FADS2: variants seen among roughly 807,000 people sequenced by gnomAD.
The protein encoded by FADS2 is fatty acid desaturase 2.
In FADS2, 18 loss-of-function variants were observed where a neutral mutation model predicts 61.2. The ratio of observed to expected loss-of-function variants is 0.29; its 90% CI spans 0.20 to 0.44. The LOEUF is 0.44. Among genes scored for constraint, FADS2 ranks in the 20% least tolerant of loss-of-function variants. The probability of loss-of-function intolerance (pLI) is 1.00; values close to 1 mark genes in which losing one functional copy is unlikely to be tolerated. For synonymous variants in FADS2, 203 were observed against 223.9 expected, an observed-to-expected ratio of 0.91 and a Z score of 0.83; for missense variants, 322 against 572.7, an observed-to-expected ratio of 0.56 and a Z score of 4.47.
chr11:61,821,268 C>T (rs2067034431), intron 1 of FADS2: 2 of 615,222 alleles, frequency 3.3e-6, no homozygotes, highest in East Asian at 5.5e-5. Flanking sequence ...GCCTATAATC[C>T]CAGTGCTTTG....
intron 4 of FADS2, among the ~76,000 whole-genome samples, chr11:61,845,919 C>A (rs894004736): frequency 1.3e-5 from 2 of 152,094 alleles, no homozygotes; most frequent in African/African-American, 4.8e-5. Flanking sequence ...TGTTGTCAGC[C>A]CGTCTTGCTT....
intron 5 of FADS2, chr11:61,848,751 G>A (rs1047666670): frequency 5.4e-5 from 9 of 167,548 alleles, no homozygotes; most frequent in Non-Finnish European, 1.0e-4. Flanking sequence ...GTCGCCAACC[G>A]ACTAGCTCAT....
intron 5 of FADS2, among the ~76,000 whole-genome samples, chr11:61,851,231 G>T (rs1467984536): frequency 2.0e-5 from 3 of 152,192 alleles, no homozygotes; most frequent in Non-Finnish European, 2.9e-5. Flanking sequence ...TGTCCTGACA[G>T]ATGTTCTCTG....
In FADS2 at chr11:61,865,079, A is replaced by C; in HGVS notation, c.1158-73A>C. The C allele has an allele frequency of 6.5e-7, 1 of 1,546,550 alleles. No individual in the cohort carries two copies. On this transcript the variant is annotated intron_variant, in intron 10 of 11. Coordinates refer to ENST00000278840, the MANE Select transcript of FADS2 (RefSeq NM_004265.4). This position sits in a 1 kb window ranked among gnomAD's most constrained non-coding sequence, Gnocchi z 4.1. ...TGAGGGCCCCAGCCAGCCTCTGCCC[A>C]GGTGGTGGGAGGAAGCGGGAGCAGC... is the stretch of plus-strand genomic sequence containing the variant.
At chr11:61,846,131 C>CT (rs550169322) in intron 4 of FADS2, among the ~76,000 whole-genome samples, 1,530 of 130,428 alleles carry the variant, frequency 0.012, 9 homozygotes, top group Middle Eastern at 0.037. Context: ...TCTTTCTTTT[C>CT]TTTTTTTTTT....
intron 5 of FADS2, among the ~76,000 whole-genome samples, chr11:61,850,502 C>G (rs1204724841): frequency 1.3e-5 from 2 of 152,066 alleles, no homozygotes; most frequent in Non-Finnish European, 2.9e-5. Context: ...GCCCACCTCG[C>G]CCTCCCAAAG....
chr11:61,829,565 C>A (rs753121705), intron 1 of FADS2, among the ~76,000 whole-genome samples: 29 of 152,196 alleles, frequency 1.9e-4, no homozygotes, highest in Non-Finnish European at 1.6e-4. Context: ...TTTAAGGATG[C>A]AGCTGGTATC....
At chr11:61,863,875 C>G in intron 10 of FADS2, 89 bp downstream of exon 10, 1 of 1,052,396 alleles carries the variant, frequency 9.5e-7, no homozygotes, top group Non-Finnish European at 1.5e-6. Flanking sequence ...AATGTGGGGG[C>G]CACCTCTTTG....
Position 61,865,995 on chromosome 11 carries a change from C to G in FADS2, c.*306C>G. The G allele has an allele frequency of 2.1e-6, 1 of 472,972 alleles. No individual in the cohort carries two copies. The highest frequency in any genetic ancestry group is 5.0e-5 in the South Asian group (1 of 20,064). 29.3% of individuals were successfully genotyped at this position (472,972 alleles called of 1,614,324 possible). On this transcript the variant is annotated 3_prime_UTR_variant, in exon 12 of 12. Transcript: ENST00000278840. The surrounding 1 kb of genome is among the most constrained non-coding windows in gnomAD (Gnocchi z 4.1). The stretch of plus-strand genomic sequence containing the variant: ...CGGGGGTGGCTCTGTCCTACCTCCA[C>G]TCTCTGCCCCTAAAGATGGGAGGAG...
chr11:61,850,709 A>G (rs2067299327), intron 5 of FADS2, among the ~76,000 whole-genome samples: 1 of 152,178 alleles, frequency 6.6e-6, no homozygotes, highest in African/African-American at 2.4e-5. Flanking sequence ...TAATGATTAA[A>G]ATGAAAGTTT....
intron 1 of FADS2, chr11:61,817,192 GCAGGAAGGGTGGGCGGGGCC>G: frequency 5.1e-6 from 1 of 197,980 alleles, no homozygotes. Flanking sequence ...CGGGGTGGCC[GCAGGAAGGGTGGGCGGGGCC>G]GGGGTTGAGG....
chr11:61,858,720 G>T (rs529660068), intron 7 of FADS2, among the ~76,000 whole-genome samples: 29 of 151,706 alleles, frequency 1.9e-4, no homozygotes, highest in African/African-American at 6.3e-4. Flanking sequence ...TGAGTAGCTG[G>T]GAGTACAGGC....
upstream of FADS2, among the ~76,000 whole-genome samples, chr11:61,823,346 T>TACA (rs1348614791): frequency 4.1e-4 from 62 of 152,248 alleles, no homozygotes; most frequent in Non-Finnish European, 1.0e-4. Context: ...GTCCACCTAC[T>TACA]GCTGTGTAAT....
chr11:61,852,945 G>A (rs1160250984), intron 5 of FADS2, among the ~76,000 whole-genome samples: 1 of 152,132 alleles, frequency 6.6e-6, no homozygotes, highest in Admixed American at 6.5e-5. Context: ...ACGAGGTCAG[G>A]AGATCGAGAC....
At chr11:61,824,586 C>T (rs1050312367), upstream of FADS2, among the ~76,000 whole-genome samples, 4 of 152,016 alleles carry the variant, frequency 2.6e-5, no homozygotes, top group Non-Finnish European at 5.9e-5. Context: ...AGAGGTCTAA[C>T]ATCACATGGT....
At chr11:61,824,394 AAGAGAGAGAGAG>A (rs1193068439), upstream of FADS2, among the ~76,000 whole-genome samples, 20 of 17,386 alleles carry the variant, frequency 1.2e-3, no homozygotes, top group African/African-American at 1.9e-3. Flanking sequence ...GGGAAAAAAA[AAGAGAGAGAGAG>A]AGAGAGAGAG....
At position 61,816,756 on chromosome 11, in the gene FADS2, C is replaced by T. The variant is rs1231650564; in HGVS notation, c.141+330C>T. 1.3e-6 allele frequency: 2 copies of T among 1,541,988 alleles called. No homozygotes were observed. Among genetic ancestry groups the T allele is most frequent in the African/African-American group, 1.4e-5 (1 of 72,540 alleles). ...TCTCGGCGGCCACCGGGTCGGGGGC[C>T]ATAGCTGGCCTGGCGACGCCGCGCG... is the stretch of plus-strand genomic sequence containing the variant. On this transcript the variant is annotated intron_variant, in intron 1 of 11. Coordinates refer to the FADS2 transcript ENST00000257261. This position sits in a 1 kb window ranked among gnomAD's most constrained non-coding sequence, Gnocchi z 7.0.
At position 61,840,703 on chromosome 11, in the gene FADS2, A is replaced by G. The variant is rs776876227; in HGVS notation, c.596A>G (p.Lys199Arg). Residue 199 changes from lysine (K) to arginine (R), a missense_variant, in exon 4 of 12, where the codon AAA becomes AGA. Lys to Arg is a conservative substitution (Grantham distance 26). Transcript: ENST00000278840. ...RKPKWNHLVH[K>R]FVIGHLKGAS... is the part of the protein sequence containing the mutation. ...CCCAAGTGGAACCACCTTGTCCACAAATTCGTCATTGGCCACTTAAAGGTA... is the reference window on the plus strand; with the variant it reads ...CCCAAGTGGAACCACCTTGTCCACAGATTCGTCATTGGCCACTTAAAGGTA... 2 of 1,613,978 alleles carry G rather than the reference A, an allele frequency of 1.2e-6. No individual in the cohort carries two copies.
chr11:61,818,134 G>A (rs1382168070), intron 1 of FADS2, among the ~76,000 whole-genome samples: 3 of 152,214 alleles, frequency 2.0e-5, no homozygotes, highest in African/African-American at 7.2e-5. Flanking sequence ...TGAGCACGTA[G>A]GAGTCAGGAG....
Sources: gnomAD v4.1 joint callset for allele counts (sites outside exome capture counted in the v4.1 genomes callset) on GRCh38, gnomAD v4.1.1 for gene constraint, Gnocchi (gnomAD v3.1) non-coding constraint, MANE v1.5 for transcripts, NCBI Gene and HGNC (gene_info 2026-07-23, HGNC 2026-07-21) for gene names.